The following DNM1L variants were observed in gnomAD, a reference collection of about 807,000 sequenced individuals.
DNM1L encodes dynamin 1L, also known as dynamin-1-like protein.
In DNM1L, 33 loss-of-function variants were observed where a neutral mutation model predicts 92.8. The ratio of observed to expected loss-of-function variants is 0.36; its 90% confidence interval spans 0.27 to 0.48. The LOEUF (loss-of-function observed/expected upper bound fraction) is 0.48, where lower values mean the gene tolerates loss of function less well. DNM1L is among the 20% of genes least tolerant of loss of function. DNM1L has a pLI of 0.99. For missense variants in DNM1L, 485 were observed against 888.8 expected (o/e 0.55, Z 5.78); for synonymous variants, 284 against 305.0 (o/e 0.93, Z 0.72).
intron 4 of DNM1L, among the ~76,000 whole-genome samples, chr12:32,709,262 T>C (rs895423864): frequency 1.3e-5 from 2 of 152,138 alleles, no homozygotes; most frequent in Non-Finnish European, 2.9e-5. Context: ...CTAGATTAGC[T>C]TATCGTCATT....
chr12:32,685,000 C>T (rs1355161251), intron 1 of DNM1L, among the ~76,000 whole-genome samples: 8 of 148,624 alleles, frequency 5.4e-5, no homozygotes, highest in Admixed American at 1.4e-4. Context: ...AATGCAGTGG[C>T]GTGATCTTGG....
At chr12:32,712,679 GAAAA>G (rs1228242608) in intron 5 of DNM1L, among the ~76,000 whole-genome samples, 101 of 92,476 alleles carry the variant, frequency 1.1e-3, no homozygotes, top group Non-Finnish European at 1.9e-3. Flanking sequence ...AAAAAAAAAA[GAAAA>G]AAATCATCTC....
rs1353313031 is a variant in DNM1L, at chr12:32,741,150, GT to G, written c.1994+633del. ...CTTCATATTGAAATAAATGATTTTT[GT>G]CTGTAGAACCATTTATCTTTTTTGC... On this transcript the variant is annotated intron_variant, in intron 18 of 19. Coordinates refer to ENST00000549701, the MANE Select transcript of DNM1L (RefSeq NM_012062.5). Among the ~76,000 whole-genome samples, 4 of 152,138 alleles carry G rather than the reference GT, an allele frequency of 2.6e-5. No individual in the cohort carries two copies. The East Asian group carries it at 7.7e-4, about 29-fold the overall frequency.
chr12:32,740,972 A>G (rs1955246204), intron 18 of DNM1L, among the ~76,000 whole-genome samples: 1 of 152,102 alleles, frequency 6.6e-6, no homozygotes, highest in African/African-American at 2.4e-5. Flanking sequence ...CTTCTCCTTC[A>G]TGTTGCCTGG....
chr12:32,737,296 G>A, intron 14 of DNM1L, 135 bp downstream of exon 14: 2 of 830,790 alleles, frequency 2.4e-6, no homozygotes, highest in Admixed American at 2.3e-5. Context: ...CTGAGTAAAG[G>A]CATACAAGTT....
At chr12:32,729,949 A>G (rs1954437547) in intron 9 of DNM1L, among the ~76,000 whole-genome samples, 1 of 152,214 alleles carries the variant, frequency 6.6e-6, no homozygotes, top group African/African-American at 2.4e-5. Flanking sequence ...TGATTTGGGG[A>G]GGCATTATAA....
chr12:32,737,018 C>G (rs1954931035), intron 13 of DNM1L, 87 bp from the exon 14 acceptor site: 1 of 1,380,212 alleles, frequency 7.2e-7, no homozygotes, highest in Non-Finnish European at 1.0e-6. Context: ...TAAGTTACTC[C>G]ACACTTTTCA....
At position 32,727,258 on chromosome 12, in the gene DNM1L, C is replaced by T. The variant is rs566371593; in HGVS notation, c.1080-3756C>T. The T allele has an allele frequency of 6.4e-5, 93 of 1,455,268 alleles. No individual in the cohort carries two copies. In the South Asian group the frequency reaches 8.4e-4, roughly 13 times the overall value. The allele number at this position is 1,455,268 out of a possible 1,614,324, so 90.1% of individuals were successfully genotyped here. On this transcript the variant is annotated intron_variant, in intron 9 of 19. Transcript: ENST00000549701. The stretch of plus-strand genomic sequence containing the variant: ...AGAACAGCATACTTCCTTTCAAGAT[C>T]GTGAACTTCCTCATAGAATTTGGCT...
At chr12:32,717,391 G>T (rs182493332) in intron 6 of DNM1L, among the ~76,000 whole-genome samples, 11 of 56,800 alleles carry the variant, frequency 1.9e-4, no homozygotes, top group Middle Eastern at 0.013. Context: ...ATAATATATA[G>T]TATATATAAT....
chr12:32,742,032 A>G (rs1023170454), intron 18 of DNM1L, among the ~76,000 whole-genome samples: 2 of 152,120 alleles, frequency 1.3e-5, no homozygotes, highest in African/African-American at 4.8e-5. Flanking sequence ...CTTCTTGGCT[A>G]TTATGAATAA....
At chr12:32,742,384 A>G (rs1203974754) in intron 18 of DNM1L, among the ~76,000 whole-genome samples, 2 of 152,242 alleles carry the variant, frequency 1.3e-5, no homozygotes, top group African/African-American at 2.4e-5. Flanking sequence ...GATTACAGGC[A>G]TGAGCCACTG....
intron 1 of DNM1L, among the ~76,000 whole-genome samples, chr12:32,699,796 CAAA>C (rs34943495): frequency 2.7e-5 from 2 of 73,594 alleles, no homozygotes; most frequent in Non-Finnish European, 5.7e-5. Context: ...GACTCCATCT[CAAA>C]AAAAAAAAAA....
intron 1 of DNM1L, among the ~76,000 whole-genome samples, chr12:32,681,500 C>T (rs1951801934): frequency 6.6e-6 from 1 of 151,712 alleles, no homozygotes; most frequent in African/African-American, 2.4e-5. Context: ...GTGGTGCGTG[C>T]AGGAGTGCAT....
In DNM1L at chr12:32,699,795, TCAAAAAAAA is replaced by T. The variant is rs1952623558; in HGVS notation, c.103-1619_103-1611del. 2.3e-4 allele frequency among the ~76,000 whole-genome samples: 8 copies of T among 34,576 alleles called. No homozygotes were observed. The South Asian group carries it at 0.011, about 46-fold the overall frequency. 22.7% of individuals were successfully genotyped at this position (34,576 alleles called of 152,430 possible). On this transcript the variant is annotated intron_variant, in intron 1 of 19. Transcript: ENST00000549701. ...CTGGGCGACAGAGCAAGACTCCATC[TCAAAAAAAA>T]AAAAAAAAAAAAAAAGCAATGATGT... is the stretch of plus-strand genomic sequence containing the variant.
At chr12:32,681,996 C>A (rs12316385) in intron 1 of DNM1L, among the ~76,000 whole-genome samples, 23,494 of 151,490 alleles carry the variant, frequency 0.16, 1,885 homozygotes, top group African/African-American at 0.21. Flanking sequence ...CCTGATTCTT[C>A]CAAAAAAAAA....
intron 18 of DNM1L, among the ~76,000 whole-genome samples, chr12:32,742,164 G>A (rs1026455008): frequency 1.3e-5 from 2 of 152,144 alleles, no homozygotes; most frequent in Non-Finnish European, 2.9e-5. Context: ...GAGTGCAGTG[G>A]CGCGTTCTTG....
rs776451720 is a variant in DNM1L at position 32,742,766 on chromosome 12, A to AT, written c.2154+24dup. ...TGCTAAAGGTATTGTGGACCTTTTG[A>AT]TTTTTTATACTTGGGTAGTAGATAG... On this transcript the variant is annotated intron_variant, in intron 19 of 19. Transcript: ENST00000549701. The AT allele has an allele frequency of 5.0e-6, 8 of 1,607,100 alleles. No individual in the cohort carries two copies. The Admixed American group carries it at 6.7e-5, about 13-fold the overall frequency.
chr12:32,725,156 T>G (rs776673676), intron 9 of DNM1L: 34 of 152,158 alleles, frequency 2.2e-4, no homozygotes, highest in Non-Finnish European at 4.1e-4. Context: ...TTCAATAATG[T>G]GGTAAAAACT....
At chr12:32,726,870 G>A in intron 9 of DNM1L, 1 of 647,414 alleles carries the variant, frequency 1.5e-6, no homozygotes, top group Non-Finnish European at 2.8e-6. Flanking sequence ...ATATGTCTTT[G>A]TCAGCACTTC....
Sources: allele counts gnomAD v4.1 joint callset (sites outside exome capture counted in the v4.1 genomes callset), GRCh38; gene constraint gnomAD v4.1.1; transcripts MANE v1.5; gene names NCBI Gene and HGNC (gene_info 2026-07-23, HGNC 2026-07-21).